Variants in KCNIP1 observed in about 807,000 individuals in gnomAD.
KCNIP1 encodes potassium voltage-gated channel interacting protein 1.
A neutral mutation model predicts 33.0 loss-of-function variants in KCNIP1; 18 were observed. That is an observed-to-expected ratio of 0.55 (90% CI 0.38 to 0.81). The LOEUF (loss-of-function observed/expected upper bound fraction) is 0.81, where lower values mean the gene tolerates loss of function less well. Ranked by LOEUF, KCNIP1 falls within the 30% of genes least tolerant of loss-of-function variation. The pLI is 0.00. For synonymous variants in KCNIP1, 93 were observed against 98.3 expected, an observed-to-expected ratio of 0.95 and a Z score of 0.32; for missense variants, 238 against 271.6, an observed-to-expected ratio of 0.88 and a Z score of 0.87.
intron 1 of KCNIP1, among the ~76,000 whole-genome samples, chr5:170,360,185 T>C (rs1023458585): frequency 5.3e-5 from 8 of 152,044 alleles, no homozygotes; most frequent in African/African-American, 1.7e-4. Flanking sequence ...TTACAGAATC[T>C]CCCCTGGGCC....
rs573911536 is a variant in KCNIP1 at position 170,678,933 on chromosome 5, A to G, written c.62-39825A>G. 4 of 152,344 alleles carry G rather than the reference A, an allele frequency of 2.6e-5. No individual in the cohort carries two copies. In the South Asian group the frequency reaches 8.3e-4, roughly 32 times the overall value. The allele number at this position is 152,344 out of a possible 1,614,324, so 9.4% of individuals were successfully genotyped here. ...AGAACAAAGTATTGACTTACCAGAA[A>G]CATGGAAGTCTTCCTGCTTCTAATT... On this transcript the variant is annotated intron_variant, in intron 1 of 7. Transcript: ENST00000328939.
At chr5:170,493,554 C>T (rs1459102047) in intron 1 of KCNIP1, among the ~76,000 whole-genome samples, 5 of 152,140 alleles carry the variant, frequency 3.3e-5, no homozygotes, top group African/African-American at 1.2e-4. Flanking sequence ...CCTCCAGCTG[C>T]AGGTTGGTGA....
intron 1 of KCNIP1, among the ~76,000 whole-genome samples, chr5:170,457,394 G>A (rs1478612611): frequency 6.6e-6 from 1 of 152,208 alleles, no homozygotes; most frequent in Non-Finnish European, 1.5e-5. Context: ...AATAAATTAG[G>A]AGAGCCAAGA....
At chr5:170,682,509 T>C (rs1762383647) in intron 1 of KCNIP1, among the ~76,000 whole-genome samples, 3 of 152,226 alleles carry the variant, frequency 2.0e-5, no homozygotes, top group Admixed American at 2.0e-4. Context: ...CCCTGAGATT[T>C]TGAAAGCTGA....
At chr5:170,367,116 C>G (rs984342506) in intron 1 of KCNIP1, among the ~76,000 whole-genome samples, 6 of 151,838 alleles carry the variant, frequency 4.0e-5, no homozygotes, top group Non-Finnish European at 7.4e-5. Context: ...GTCAGGAGCT[C>G]GAGACCATTC....
intron 1 of KCNIP1, among the ~76,000 whole-genome samples, chr5:170,384,525 G>T (rs542286932): frequency 6.6e-6 from 1 of 152,306 alleles, no homozygotes; most frequent in East Asian, 1.9e-4. Flanking sequence ...GCCCGGGAGA[G>T]GCTAACAGGT....
At chr5:170,488,422 G>C (rs1757140590) in intron 1 of KCNIP1, among the ~76,000 whole-genome samples, 1 of 152,198 alleles carries the variant, frequency 6.6e-6, no homozygotes, top group Admixed American at 6.5e-5. Context: ...TGTAGGAAAA[G>C]TGTCCTTCCT....
At chr5:170,393,197 GT>G (rs2113368930) in intron 1 of KCNIP1, among the ~76,000 whole-genome samples, 1 of 152,270 alleles carries the variant, frequency 6.6e-6, no homozygotes, top group South Asian at 2.1e-4. Context: ...GAGACCCCAG[GT>G]TTCTTCATGA....
intron 1 of KCNIP1, among the ~76,000 whole-genome samples, chr5:170,615,164 A>C (rs932143444): frequency 6.6e-6 from 1 of 152,206 alleles, no homozygotes; most frequent in Admixed American, 6.5e-5. Flanking sequence ...GCAGTGCGCC[A>C]AGATCGCGCC....
Position 170,591,536 on chromosome 5 carries a change from C to CCACCATCTGTCTCTAGAATGTTCTTCAT in KCNIP1, c.61+86905_61+86932dup, listed in dbSNP as rs1758262416. Among the ~76,000 whole-genome samples, 4 of 152,318 alleles carry CCACCATCTGTCTCTAGAATGTTCTTCAT rather than the reference C, an allele frequency of 2.6e-5. No individual in the cohort carries two copies. In the South Asian group the frequency reaches 8.3e-4, roughly 32 times the overall value. On this transcript the variant is annotated intron_variant, in intron 1 of 7. Coordinates refer to ENST00000328939, the MANE Select transcript of KCNIP1 (RefSeq NM_014592.4). ...CCTTCACGTTGTTGGACAAACTTCA[C>CCACCATCTGTCTCTAGAATGTTCTTCAT]CACCATCTGTCTCTAGAATGTTCTT...
At chr5:170,571,105 G>A (rs1198595663) in intron 1 of KCNIP1, among the ~76,000 whole-genome samples, 1 of 152,176 alleles carries the variant, frequency 6.6e-6, no homozygotes, top group Non-Finnish European at 1.5e-5. Context: ...TGTTGAAGGA[G>A]GTGCTACCCA....
intron 1 of KCNIP1, chr5:170,385,544 G>A (rs1191966599): frequency 2.2e-6 from 3 of 1,346,716 alleles, no homozygotes; most frequent in African/African-American, 1.4e-5. Flanking sequence ...GAGGACAGGT[G>A]AGAGGGGAAG....
chr5:170,455,396 G>A (rs1756349425), intron 1 of KCNIP1, among the ~76,000 whole-genome samples: 2 of 151,902 alleles, frequency 1.3e-5, no homozygotes, highest in Admixed American at 1.3e-4. Flanking sequence ...CTAGAGTGCA[G>A]TGGTGTGATC....
chr5:170,403,975 GA>G (rs1754971972), intron 1 of KCNIP1, among the ~76,000 whole-genome samples: 1 of 152,176 alleles, frequency 6.6e-6, no homozygotes, highest in African/African-American at 2.4e-5. Flanking sequence ...AGCCTGTGGG[GA>G]AGAAGCAGAG....
rs571271433 is a variant in KCNIP1 at position 170,399,148 on chromosome 5, T to A, written c.88+45184T>A. On this transcript the variant is annotated intron_variant, in intron 1 of 7. Transcript: ENST00000377360. ...AGGTAAGGGCTATTGGTGTTATCAA[T>A]GACCATGAATCTTTTACCCTAAGCC... Among the ~76,000 whole-genome samples the A allele has an allele frequency of 7.9e-5, 12 of 152,348 alleles. No homozygotes were observed. The South Asian group carries it at 2.3e-3, about 29-fold the overall frequency.
chr5:170,389,130 GC>G (rs1465453347), intron 1 of KCNIP1: 2 of 152,306 alleles, frequency 1.3e-5, no homozygotes, highest in East Asian at 3.9e-4. Context: ...CAGAAGGACA[GC>G]CCCGAGAGGA....
intron 1 of KCNIP1, chr5:170,382,611 A>G (rs1422941701): frequency 6.7e-6 from 1 of 150,246 alleles, no homozygotes; most frequent in Admixed American, 6.6e-5. Flanking sequence ...TATGCCTTGC[A>G]TCCTGCGCCT....
chr5:170,706,673 A>G (rs1763265029), intron 1 of KCNIP1, among the ~76,000 whole-genome samples: 1 of 152,206 alleles, frequency 6.6e-6, no homozygotes. Context: ...ATTCTGTGCT[A>G]ACTTGAGATA....
chr5:170,444,384 GCCTC>G (rs2113046757), intron 1 of KCNIP1, among the ~76,000 whole-genome samples: 1 of 152,208 alleles, frequency 6.6e-6, no homozygotes, highest in Non-Finnish European at 1.5e-5. Context: ...TCTCTCTCGT[GCCTC>G]CCTATGTCAT....
Sources: gnomAD v4.1 joint callset for allele counts (sites outside exome capture counted in the v4.1 genomes callset) on GRCh38, gnomAD v4.1.1 for gene constraint, MANE v1.5 for transcripts, NCBI Gene and HGNC (gene_info 2026-07-23, HGNC 2026-07-21) for gene names.